The following ADK variants were observed in gnomAD, a reference collection of about 807,000 sequenced individuals.
ADK encodes N6,N6-dimethyladenosine kinase.
A neutral mutation model predicts 44.7 loss-of-function variants in ADK; 24 were observed. The observed-to-expected ratio is 0.54, with a 90% CI of 0.39 to 0.76. The LOEUF (loss-of-function observed/expected upper bound fraction) is 0.76. Ranked by LOEUF, ADK falls within the 30% of genes least tolerant of loss-of-function variation. ADK has a pLI of 0.00. For missense variants in ADK, 321 were observed against 425.1 expected (o/e 0.76, Z 2.15); for synonymous variants, 128 against 142.6 (o/e 0.90, Z 0.73).
intron 7 of ADK, among the ~76,000 whole-genome samples, chr10:74,576,958 C>T (rs1259081831): frequency 6.6e-6 from 1 of 152,112 alleles, no homozygotes; most frequent in Admixed American, 6.5e-5. Context: ...AGATAATTGG[C>T]TATTTCATTA....
chr10:74,392,003 A>G (rs867146279), intron 4 of ADK, among the ~76,000 whole-genome samples: 38 of 152,100 alleles, frequency 2.5e-4, no homozygotes, highest in African/African-American at 7.2e-4. Flanking sequence ...CTTGATGTTC[A>G]TCTATGTTGT....
intron 10 of ADK, among the ~76,000 whole-genome samples, chr10:74,700,121 A>G (rs1045623254): frequency 2.0e-5 from 3 of 152,218 alleles, no homozygotes; most frequent in Non-Finnish European, 4.4e-5. Context: ...AACATTGGAA[A>G]CTATGTAAAT....
chr10:74,193,421 G>A (rs1238593179), intron 1 of ADK, among the ~76,000 whole-genome samples: 1 of 149,426 alleles, frequency 6.7e-6, no homozygotes, highest in Non-Finnish European at 1.5e-5. Flanking sequence ...CCCCACCCCA[G>A]TGTGATTAGT....
intron 9 of ADK, among the ~76,000 whole-genome samples, chr10:74,617,416 G>A (rs1196997215): frequency 6.6e-6 from 1 of 151,984 alleles, no homozygotes; most frequent in African/African-American, 2.4e-5. Flanking sequence ...AATAGTTGTT[G>A]TATTTCATCA....
chr10:74,284,341 C>T (rs1284385460), intron 3 of ADK, among the ~76,000 whole-genome samples: 7 of 151,044 alleles, frequency 4.6e-5, no homozygotes, highest in Admixed American at 2.6e-4. Context: ...CTCGGCTCAC[C>T]GTGGCCTCTC....
At chr10:74,350,986 T>G (rs1349034886) in intron 4 of ADK, among the ~76,000 whole-genome samples, 1 of 152,184 alleles carries the variant, frequency 6.6e-6, no homozygotes, top group African/African-American at 2.4e-5. Flanking sequence ...CACATCCGAA[T>G]TCTACCAGAG....
intron 6 of ADK, among the ~76,000 whole-genome samples, chr10:74,455,619 C>T (rs1450714562): frequency 1.3e-5 from 2 of 152,060 alleles, no homozygotes; most frequent in African/African-American, 2.4e-5. Context: ...AAGCAATTCT[C>T]CTGCCTCAGC....
intron 6 of ADK, among the ~76,000 whole-genome samples, chr10:74,508,629 T>C (rs985012256): frequency 1.3e-5 from 2 of 152,182 alleles, no homozygotes; most frequent in African/African-American, 4.8e-5. Flanking sequence ...AAAATAAGTT[T>C]ACTAGTTGGT....
chr10:74,325,780 T>A (rs901508815), intron 4 of ADK, among the ~76,000 whole-genome samples: 2 of 152,228 alleles, frequency 1.3e-5, no homozygotes, highest in Non-Finnish European at 1.5e-5. Flanking sequence ...GTTATTGATT[T>A]GTGTATGTTG....
At chr10:74,223,584 G>T (rs1294161174) in intron 2 of ADK, among the ~76,000 whole-genome samples, 1 of 152,054 alleles carries the variant, frequency 6.6e-6, no homozygotes, top group African/African-American at 2.4e-5. Flanking sequence ...GAGAATTGAA[G>T]ACCTGGGAAT....
intron 1 of ADK, among the ~76,000 whole-genome samples, chr10:74,158,049 T>G (rs938825190): frequency 6.6e-6 from 1 of 152,134 alleles, no homozygotes; most frequent in East Asian, 1.9e-4. Flanking sequence ...TCTAGTAAGA[T>G]GGAAACAAAA....
At chr10:74,602,349 A>G (rs887675831) in intron 9 of ADK, among the ~76,000 whole-genome samples, 1 of 152,162 alleles carries the variant, frequency 6.6e-6, no homozygotes, top group Non-Finnish European at 1.5e-5. Context: ...TAGAAAAGTG[A>G]AAAACATACA....
At chr10:74,458,975 A>G (rs1024928901) in intron 6 of ADK, among the ~76,000 whole-genome samples, 1 of 152,174 alleles carries the variant, frequency 6.6e-6, no homozygotes, top group Non-Finnish European at 1.5e-5. Context: ...TTCCTAAAAT[A>G]TATTCTATGA....
At chr10:74,444,975 G>A (rs1403824029) in intron 6 of ADK, among the ~76,000 whole-genome samples, 1 of 151,916 alleles carries the variant, frequency 6.6e-6, no homozygotes, top group Non-Finnish European at 1.5e-5. Context: ...CAGTAAGAAG[G>A]CATTGAGAAT....
Position 74,574,267 on chromosome 10 carries a change from T to G in ADK, c.727-15015T>G, listed in dbSNP as rs111536698. On this transcript the variant is annotated intron_variant, in intron 7 of 10. Transcript: ENST00000539909. ...CCGCAACCTCCATCCACCTCCGACA[T>G]TGAAGCGATTCTCCTGCCTCAGCCT... is the stretch of plus-strand genomic sequence containing the variant. 2.2e-3 allele frequency among the ~76,000 whole-genome samples: 338 copies of G among 151,378 alleles called. 2 individuals carry two copies. Among genetic ancestry groups the G allele is most frequent in the African/African-American group, 7.7e-3 (319 of 41,260 alleles).
intron 4 of ADK, among the ~76,000 whole-genome samples, chr10:74,390,787 T>C (rs1276348428): frequency 6.6e-6 from 1 of 152,222 alleles, no homozygotes; most frequent in African/African-American, 2.4e-5. Context: ...CCAACCCAGT[T>C]GATTGTAATA....
chr10:74,394,107 G>T, intron 4 of ADK, 34 bp from the exon 5 acceptor site: 1 of 1,606,770 alleles, frequency 6.2e-7, no homozygotes, highest in Non-Finnish European at 8.5e-7. Flanking sequence ...CCATTTTTTT[G>T]CCCCATTAAA....
At chr10:74,177,946 T>TATATATATATA (rs1554825917) in intron 1 of ADK, among the ~76,000 whole-genome samples, 2 of 32,254 alleles carry the variant, frequency 6.2e-5, no homozygotes, top group African/African-American at 1.6e-4. Flanking sequence ...TATATATATA[T>TATATATATATA]TTTTTTTTTT....
At chr10:74,160,145 G>A (rs1393362185) in intron 1 of ADK, among the ~76,000 whole-genome samples, 1 of 152,112 alleles carries the variant, frequency 6.6e-6, no homozygotes, top group Non-Finnish European at 1.5e-5. Flanking sequence ...CTCAGACACT[G>A]GACCAAATTG....
Sources: gnomAD v4.1 joint callset for allele counts (sites outside exome capture counted in the v4.1 genomes callset) on GRCh38, gnomAD v4.1.1 for gene constraint, MANE v1.5 for transcripts, NCBI Gene and HGNC (gene_info 2026-07-23, HGNC 2026-07-21) for gene names.